The following TOGARAM2 variants were observed in gnomAD, a reference collection of about 807,000 sequenced individuals.
TOGARAM2 encodes the protein TOG array regulator of axonemal microtubules protein 2.
A neutral mutation model predicts 93.3 loss-of-function variants in TOGARAM2; 85 were observed. The observed-to-expected ratio is 0.91, with a 90% CI of 0.76 to 1.09. TOGARAM2 has a LOEUF of 1.09. Ranked by LOEUF, TOGARAM2 falls within the 50% of genes least tolerant of loss-of-function variation. The pLI, the probability that TOGARAM2 is intolerant of heterozygous loss-of-function variation, is 0.00. For missense variants in TOGARAM2, 1,277 were observed against 1,334.5 expected, an observed-to-expected ratio of 0.96 and a Z score of 0.67; for synonymous variants, 593 against 552.8, an observed-to-expected ratio of 1.07 and a Z score of -1.02.
In TOGARAM2 at chr2:29,005,025, T is replaced by A. The variant is rs1363403255; in HGVS notation, c.830+1343T>A. Among the ~76,000 whole-genome samples the A allele has an allele frequency of 6.0e-5, 2 of 33,216 alleles. 1 individual carries two copies. Among genetic ancestry groups the A allele is most frequent in the African/African-American group, 1.3e-4 (2 of 14,944 alleles). The allele number at this position is 33,216 out of a possible 152,430, so 21.8% of individuals were successfully genotyped here. A position where few individuals can be genotyped will look rare whatever the true frequency, so the allele number is the denominator to read the frequency against. On this transcript the variant is annotated intron_variant, in intron 6 of 19. Transcript: ENST00000379558. The stretch of plus-strand genomic sequence containing the variant: ...GTGTGCATGTGTATGTGTGAGTGCA[T>A]GTATGTGAGTGCATGTGTGTGCATG...
Position 28,959,739 on chromosome 2 carries a change from G to C in TOGARAM2, c.-147+3042G>C, listed in dbSNP as rs145748515. Among the ~76,000 whole-genome samples, 1,277 of 151,874 alleles carry C rather than the reference G, an allele frequency of 8.4e-3. 17 individuals are homozygous for C. The highest frequency in any genetic ancestry group is 0.028 in the African/African-American group (1,159 of 41,410). Reference sequence around the variant, plus strand: ...GCCTGGGCGACAGAGTGAGACTCTGGCTCAAAAAAAAGAAAAAAAAGAATA... The same window carrying C: ...GCCTGGGCGACAGAGTGAGACTCTGCCTCAAAAAAAAGAAAAAAAAGAATA... On this transcript the variant is annotated intron_variant, in intron 1 of 6. Transcript: ENST00000401723.
At chr2:28,959,742 C>CA (rs888746698) in intron 1 of TOGARAM2, among the ~76,000 whole-genome samples, 8 of 148,454 alleles carry the variant, frequency 5.4e-5, no homozygotes, top group Non-Finnish European at 1.0e-4. Flanking sequence ...GACTCTGGCT[C>CA]AAAAAAAAGA....
chr2:28,999,561 TGGCATG>T, intron 4 of TOGARAM2, 93 bp downstream of exon 4: 17 of 1,402,466 alleles, frequency 1.2e-5, no homozygotes, highest in Non-Finnish European at 1.6e-5. Flanking sequence ...GGCTTCCAGG[TGGCATG>T]CTGGGATGCC....
intron 1 of TOGARAM2, among the ~76,000 whole-genome samples, chr2:28,958,207 A>G (rs542991719): frequency 6.6e-6 from 1 of 152,262 alleles, no homozygotes; most frequent in East Asian, 1.9e-4. Flanking sequence ...ATCTAGTGGT[A>G]AGCAACCAAA....
chr2:28,984,163 C>T (rs1452953110), intron 1 of TOGARAM2, among the ~76,000 whole-genome samples: 2 of 152,088 alleles, frequency 1.3e-5, no homozygotes, highest in African/African-American at 2.4e-5. Context: ...TTTCCCATTT[C>T]GTGTTTTAAA....
intron 14 of TOGARAM2, among the ~76,000 whole-genome samples, chr2:29,030,063 C>T (rs1029711429): frequency 1.3e-5 from 2 of 152,160 alleles, no homozygotes; most frequent in African/African-American, 2.4e-5. Context: ...CTCTTAAGCC[C>T]AGGAGTTTGA....
intron 10 of TOGARAM2, 155 bp downstream of exon 10, chr2:29,018,111 G>T (rs1664708015): frequency 2.6e-6 from 2 of 776,828 alleles, no homozygotes; most frequent in Non-Finnish European, 2.0e-6. Context: ...CCTTGCCAGA[G>T]AGAGAAACAG....
intron 1 of TOGARAM2, among the ~76,000 whole-genome samples, chr2:28,966,197 G>A (rs1183434550): frequency 6.6e-6 from 1 of 152,154 alleles, no homozygotes; most frequent in East Asian, 1.9e-4. Context: ...CACCATGTTG[G>A]CCAGGCTGGT....
intron 1 of TOGARAM2, among the ~76,000 whole-genome samples, chr2:28,959,948 T>C (rs1019289476): frequency 1.3e-5 from 2 of 152,224 alleles, no homozygotes; most frequent in African/African-American, 2.4e-5. Context: ...GGCTATCTTA[T>C]GTAGCCTACA....
At chr2:29,000,228 C>G (rs987948701) in intron 4 of TOGARAM2, among the ~76,000 whole-genome samples, 2 of 152,134 alleles carry the variant, frequency 1.3e-5, no homozygotes, top group African/African-American at 4.8e-5. Context: ...CGCTTGGCAG[C>G]TAGGAGGCTC....
At chr2:29,044,623 G>A (rs1666630070) in intron 18 of TOGARAM2, among the ~76,000 whole-genome samples, 1 of 151,970 alleles carries the variant, frequency 6.6e-6, no homozygotes, top group African/African-American at 2.4e-5. Flanking sequence ...CTGGTGTCAG[G>A]GTTCATGTCT....
chr2:29,015,389 C>T (rs1188100375), intron 8 of TOGARAM2, among the ~76,000 whole-genome samples: 2 of 152,220 alleles, frequency 1.3e-5, no homozygotes, highest in African/African-American at 4.8e-5. Flanking sequence ...CCCATTGGCT[C>T]ACCACCTTCT....
chr2:29,030,156 G>T (rs1665679122), intron 14 of TOGARAM2, among the ~76,000 whole-genome samples: 2 of 152,106 alleles, frequency 1.3e-5, no homozygotes, highest in African/African-American at 4.8e-5. Flanking sequence ...CGTGCCTGTG[G>T]TCCCAGCTAC....
chr2:29,029,264 T>TACACACACACACACACACAC (rs146395549), intron 14 of TOGARAM2, among the ~76,000 whole-genome samples: 52 of 147,982 alleles, frequency 3.5e-4, no homozygotes, highest in Non-Finnish European at 4.8e-4. Context: ...TATGTGTGTA[T>TACACACACACACACACACAC]ACACACACAC....
intron 1 of TOGARAM2, among the ~76,000 whole-genome samples, chr2:28,969,086 A>G (rs1044682762): frequency 1.3e-5 from 2 of 152,200 alleles, no homozygotes; most frequent in African/African-American, 4.8e-5. Context: ...TATGCCATCC[A>G]TTATTCACAG....
chr2:28,984,672 G>A (rs1169626133), intron 1 of TOGARAM2, among the ~76,000 whole-genome samples: 1 of 152,158 alleles, frequency 6.6e-6, no homozygotes, highest in Non-Finnish European at 1.5e-5. Context: ...TTTTTCATTC[G>A]AGACTCCAGG....
At chr2:28,990,821 G>T (rs1391340116) in intron 1 of TOGARAM2, among the ~76,000 whole-genome samples, 1 of 152,004 alleles carries the variant, frequency 6.6e-6, no homozygotes, top group Non-Finnish European at 1.5e-5. Flanking sequence ...GCTGGAGGGG[G>T]TCGAAGGCAA....
chr2:29,037,219 C>A (rs6742110), intron 18 of TOGARAM2, among the ~76,000 whole-genome samples: 37,654 of 152,046 alleles, frequency 0.25, 5,180 homozygotes, highest in East Asian at 0.51. Flanking sequence ...CTAGGTATGA[C>A]ATCTTGCTTC....
chr2:28,983,177 A>AATATATATAT (rs1553334840), intron 1 of TOGARAM2, among the ~76,000 whole-genome samples: 46 of 32,382 alleles, frequency 1.4e-3, no homozygotes, highest in African/African-American at 5.5e-3. Context: ...TGTATATATA[A>AATATATATAT]ATATATATAT....
Sources: gnomAD v4.1 joint callset for allele counts (sites outside exome capture counted in the v4.1 genomes callset) on GRCh38, gnomAD v4.1.1 for gene constraint, MANE v1.5 for transcripts, NCBI Gene and HGNC (gene_info 2026-07-23, HGNC 2026-07-21) for gene names.